The following KLF7 variants were observed in gnomAD, a reference collection of about 807,000 sequenced individuals.
KLF7 encodes the protein Krueppel-like factor 7.
Under a neutral mutation model 27.3 loss-of-function variants are expected in KLF7, and 2 were observed. That is an observed-to-expected ratio of 0.07 (90% CI 0.03 to 0.23). The LOEUF (loss-of-function observed/expected upper bound fraction) is 0.23. Among genes scored for constraint, KLF7 ranks in the 10% least tolerant of loss-of-function variants. The pLI is 1.00. For missense variants in KLF7, 221 were observed against 394.1 expected (o/e 0.56, Z 3.72); for synonymous variants, 165 against 162.4 (o/e 1.02, Z -0.12).
At chr2:207,166,268 G>T (rs1244030236), upstream of KLF7, 1 of 835,178 alleles carries the variant, frequency 1.2e-6, no homozygotes, top group Non-Finnish European at 1.4e-6. Context: ...GCGGGGCTTG[G>T]CCCTGGCGGC....
intron 2 of KLF7, among the ~76,000 whole-genome samples, chr2:207,109,110 G>A (rs1006805284): frequency 6.6e-6 from 1 of 152,206 alleles, no homozygotes; most frequent in Non-Finnish European, 1.5e-5. Flanking sequence ...ATATGCAAAT[G>A]CAGTAGTACT....
At chr2:207,148,411 C>T (rs1408858174) in intron 1 of KLF7, among the ~76,000 whole-genome samples, 1 of 152,148 alleles carries the variant, frequency 6.6e-6, no homozygotes, top group East Asian at 1.9e-4. Flanking sequence ...AGAGGCTCCT[C>T]CCAAGCCACC....
At chr2:207,105,247 C>T (rs2076855056) in intron 2 of KLF7, among the ~76,000 whole-genome samples, 1 of 152,216 alleles carries the variant, frequency 6.6e-6, no homozygotes, top group Non-Finnish European at 1.5e-5. Context: ...TTCATTTCTA[C>T]CTGCCGCCCC....
chr2:207,091,180 G>GA (rs1484953364), intron 2 of KLF7, among the ~76,000 whole-genome samples: 4 of 152,158 alleles, frequency 2.6e-5, no homozygotes, highest in Non-Finnish European at 5.9e-5. Context: ...GACGTCTTTG[G>GA]ATATTTTTTC....
At chr2:207,089,573 G>A (rs995312039) in intron 2 of KLF7, among the ~76,000 whole-genome samples, 11 of 152,112 alleles carry the variant, frequency 7.2e-5, no homozygotes, top group Non-Finnish European at 1.5e-4. Context: ...AAATCATGAA[G>A]CTGAGTTACT....
intron 1 of KLF7, among the ~76,000 whole-genome samples, chr2:207,151,510 G>T (rs530041704): frequency 6.6e-6 from 1 of 152,222 alleles, no homozygotes; most frequent in South Asian, 2.1e-4. Flanking sequence ...GCAAAAGCTG[G>T]AGGAAAAAGG....
intron 1 of KLF7, among the ~76,000 whole-genome samples, chr2:207,150,484 G>A (rs1421300651): frequency 1.3e-5 from 2 of 152,024 alleles, no homozygotes; most frequent in Non-Finnish European, 2.9e-5. Flanking sequence ...ATAGTTTAAG[G>A]CTTGAAACAA....
rs1450785393 is a variant in KLF7 at position 207,074,896 on chromosome 2, C to G, written c.*6317G>C. On this transcript the variant is annotated 3_prime_UTR_variant, in exon 4 of 4. Coordinates refer to ENST00000309446, the MANE Select transcript of KLF7 (RefSeq NM_003709.4). ...GACCCTTATTTGGGCATTGAGCTGC[C>G]TCAATGAAACTATAAAATACACACA... 5 of 152,130 alleles carry G rather than the reference C, an allele frequency of 3.3e-5. No homozygotes were observed. Among genetic ancestry groups the G allele is most frequent in the African/African-American group, 1.2e-4 (5 of 41,420 alleles). The allele number at this position is 152,130 out of a possible 1,614,324, so 9.4% of individuals were successfully genotyped here.
At chr2:207,100,020 C>T in intron 2 of KLF7, among the ~76,000 whole-genome samples, 1 of 152,122 alleles carries the variant, frequency 6.6e-6, no homozygotes, top group Non-Finnish European at 1.5e-5. Context: ...GTCCCAGCTA[C>T]TTGGGAGACT....
chr2:207,144,963 C>T (rs2078058334), intron 1 of KLF7, among the ~76,000 whole-genome samples: 1 of 152,184 alleles, frequency 6.6e-6, no homozygotes, highest in Admixed American at 6.5e-5. Context: ...CCTTTAGCCA[C>T]ATACCAAGCC....
chr2:207,105,444 G>T (rs2076859501), intron 2 of KLF7, among the ~76,000 whole-genome samples: 1 of 152,198 alleles, frequency 6.6e-6, no homozygotes, highest in South Asian at 2.1e-4. Flanking sequence ...GAAGCCCAGG[G>T]ATAGACACCC....
At position 207,098,778 on chromosome 2, in the gene KLF7, A is replaced by ATTTTTT. The variant is rs1182598901; in HGVS notation, c.734-10203_734-10198dup. ...GCTCTGGTGCCACCACACTTGGCTAATTTTTTTTTTTTTTTTTTTTTTGTA... is the reference window on the plus strand; with the variant it reads ...GCTCTGGTGCCACCACACTTGGCTAATTTTTTTTTTTTTTTTTTTTTTTTTTTTGTA... On this transcript the variant is annotated intron_variant, in intron 2 of 3. Coordinates refer to ENST00000309446, the MANE Select transcript of KLF7 (RefSeq NM_003709.4). 9.6e-3 allele frequency among the ~76,000 whole-genome samples: 1,005 copies of ATTTTTT among 104,572 alleles called. 2 individuals carry two copies. The highest frequency in any genetic ancestry group is 0.02 in the African/African-American group (492 of 25,140). The allele number at this position is 104,572 out of a possible 152,430, so 68.6% of individuals were successfully genotyped here. A position where few individuals can be genotyped will look rare whatever the true frequency, so the allele number is the denominator to read the frequency against.
intron 2 of KLF7, 59 bp from the exon 3 acceptor site, chr2:207,088,640 ACC>A (rs2076443276): frequency 2.5e-6 from 4 of 1,575,820 alleles, no homozygotes; most frequent in Non-Finnish European, 3.5e-6. Flanking sequence ...ATTACACCCA[ACC>A]AGCCTGTGCT....
At chr2:207,162,279 G>T (rs1472346552) in intron 1 of KLF7, among the ~76,000 whole-genome samples, 5 of 152,170 alleles carry the variant, frequency 3.3e-5, no homozygotes, top group Non-Finnish European at 5.9e-5. Context: ...TCCTACCCTT[G>T]ACCTTTTCCT....
intron 1 of KLF7, among the ~76,000 whole-genome samples, chr2:207,142,384 A>G (rs2077968434): frequency 6.6e-6 from 1 of 152,190 alleles, no homozygotes; most frequent in South Asian, 2.1e-4. Context: ...AATTAATTCA[A>G]CAGTTATTTA....
At chr2:207,139,608 T>G (rs990819091) in intron 1 of KLF7, among the ~76,000 whole-genome samples, 1 of 152,228 alleles carries the variant, frequency 6.6e-6, no homozygotes, top group Non-Finnish European at 1.5e-5. Context: ...GATGAAGATT[T>G]TGGATCTTCT....
chr2:207,141,645 A>T (rs2077944879), intron 1 of KLF7, among the ~76,000 whole-genome samples: 1 of 152,172 alleles, frequency 6.6e-6, no homozygotes, highest in African/African-American at 2.4e-5. Context: ...GTTTATGTGG[A>T]ATCTCTCCAA....
rs2076211720 is a variant in KLF7 at position 207,078,373 on chromosome 2, T to C, written c.*2840A>G. 1.3e-5 allele frequency: 2 copies of C among 152,220 alleles called. No homozygotes were observed. Among genetic ancestry groups the C allele is most frequent in the African/African-American group, 4.8e-5 (2 of 41,456 alleles). The allele number at this position is 152,220 out of a possible 1,614,324, so 9.4% of individuals were successfully genotyped here. A position where few individuals can be genotyped will look rare whatever the true frequency, so the allele number is the denominator to read the frequency against. On this transcript the variant is annotated 3_prime_UTR_variant, in exon 4 of 4. Transcript: ENST00000309446. ...AGAAATTACTGAACATTTCAGACAC[T>C]GATGAGGACCAAAGGGCCTTTGTTC... is the stretch of plus-strand genomic sequence containing the variant.
At chr2:207,093,230 A>G (rs532168566) in intron 2 of KLF7, among the ~76,000 whole-genome samples, 117 of 152,348 alleles carry the variant, frequency 7.7e-4, no homozygotes, top group Admixed American at 2.0e-3. Flanking sequence ...TCACCCAAAA[A>G]AAGGTTAAGA....
Sources: gnomAD v4.1 joint callset for allele counts (sites outside exome capture counted in the v4.1 genomes callset) on GRCh38, gnomAD v4.1.1 for gene constraint, MANE v1.5 for transcripts, NCBI Gene and HGNC (gene_info 2026-07-23, HGNC 2026-07-21) for gene names.